Variants in CR1 observed in about 807,000 individuals in gnomAD.
CR1 encodes complement C3b/C4b receptor 1 (Knops blood group).
Under a neutral mutation model 187.3 loss-of-function variants are expected in CR1, and 116 were observed. That is an observed-to-expected ratio of 0.62 (90% CI 0.53 to 0.72). The LOEUF (loss-of-function observed/expected upper bound fraction) is 0.72. CR1 is among the 30% of genes least tolerant of loss of function. The probability of loss-of-function intolerance (pLI) is 0.00; values close to 1 mark genes in which losing one functional copy is unlikely to be tolerated. For synonymous variants in CR1, 576 were observed against 747.1 expected (o/e 0.77, Z 3.73); for missense variants, 1,731 against 2,110.7 (o/e 0.82, Z 3.52).
chr1:207,621,199 C>T (rs966520380), intron 43 of CR1, among the ~76,000 whole-genome samples: 10 of 151,870 alleles, frequency 6.6e-5, no homozygotes, highest in African/African-American at 1.7e-4. Context: ...CGCTTGAACA[C>T]GGGAGGTGGA....
In CR1 at chr1:207,577,867, A is replaced by G. The variant is rs768997678; in HGVS notation, c.4600A>G (p.Asn1534Asp). 2 of 1,613,770 alleles carry G rather than the reference A, an allele frequency of 1.2e-6. No homozygotes were observed. The change falls in exon 29 of 47, where the codon AAT (asparagine) becomes GAT (aspartate). Residue 1534 changes from asparagine to aspartate, a missense_variant. Asn to Asp is a conservative substitution (Grantham distance 23, BLOSUM62 1). Transcript: ENST00000367049. ...NGDFISTNRE[N>D]FHYGSVVTYR... ...AGATTTCATTAGCACCAACAGAGAG[A>G]ATTTTCACTATGGATCAGTGGTGAC...
chr1:207,634,064 G>A (rs1184042621), intron 46 of CR1, among the ~76,000 whole-genome samples: 1 of 152,124 alleles, frequency 6.6e-6, no homozygotes, highest in Non-Finnish European at 1.5e-5. Flanking sequence ...TTCTTTTGTG[G>A]TGGAATGTCA....
intron 1 of CR1, among the ~76,000 whole-genome samples, chr1:207,499,047 G>A (rs185088167): frequency 5.3e-5 from 8 of 152,004 alleles, no homozygotes; most frequent in East Asian, 1.9e-4. Flanking sequence ...GTCAATGATC[G>A]AAATGCACCA....
In CR1 at chr1:207,581,212, A is replaced by T. The variant is rs1660931471; in HGVS notation, c.5216+599A>T. On this transcript the variant is annotated intron_variant, in intron 31 of 46. Coordinates refer to ENST00000367049, the MANE Select transcript of CR1 (RefSeq NM_000651.6). The stretch of plus-strand genomic sequence containing the variant: ...CATGGACACGTATATGTAGACGTAT[A>T]CATATGGACACGTATATGTAGACGT... 2.7e-5 allele frequency among the ~76,000 whole-genome samples: 4 copies of T among 145,648 alleles called. No homozygotes were observed. The South Asian group carries it at 9.0e-4, about 33-fold the overall frequency.
intron 24 of CR1, among the ~76,000 whole-genome samples, chr1:207,566,374 T>A (rs1660496830): frequency 6.7e-6 from 1 of 149,938 alleles, no homozygotes; most frequent in Non-Finnish European, 1.5e-5. Context: ...TATATATATA[T>A]GATAATACAC....
At chr1:207,625,511 C>T (rs1364690986) in intron 45 of CR1, among the ~76,000 whole-genome samples, 1 of 152,248 alleles carries the variant, frequency 6.6e-6, no homozygotes, top group Non-Finnish European at 1.5e-5. Context: ...ATGTGTTCTT[C>T]CTGCCTGTCA....
At chr1:207,580,135 A>T in intron 29 of CR1, 105 bp from the exon 30 acceptor site, 1 of 1,495,546 alleles carries the variant, frequency 6.7e-7, no homozygotes, top group South Asian at 1.3e-5. Flanking sequence ...TGTGCTAGGG[A>T]GAATTGGGTT....
Position 207,609,439 on chromosome 1 carries a change from A to G in CR1, c.6046A>G (p.Ile2016Val). The change falls in exon 37 of 47, where the codon ATA (isoleucine) becomes GTA (valine). Residue 2016 changes from isoleucine (I) to valine (V), a missense_variant. Ile to Val is a conservative substitution (Grantham distance 29). Transcript: ENST00000367049. ...GTTTGAGCTTGTGGGAGAACGGTCA[A>G]TATATTGCACCAGCAAAGATGATCA... ...QLFELVGERSIYCTSKDDQVG... is the reference protein window; with the variant it reads ...QLFELVGERSVYCTSKDDQVG... The G allele has an allele frequency of 1.2e-6, 2 of 1,614,068 alleles. No homozygotes were observed. Among genetic ancestry groups the G allele is most frequent in the South Asian group, 2.2e-5 (2 of 91,088 alleles).
chr1:207,581,101 A>AGTGTGTATATATATGTATACATAC (rs1318596862), intron 31 of CR1, among the ~76,000 whole-genome samples: 1 of 147,504 alleles, frequency 6.8e-6, no homozygotes, highest in East Asian at 1.9e-4. Flanking sequence ...TGAAAAAAAA[A>AGTGTGTATATATATGTATACATAC]GTGTGTATAT....
At chr1:207,517,723 A>C (rs1176706682) in intron 4 of CR1, among the ~76,000 whole-genome samples, 1 of 152,070 alleles carries the variant, frequency 6.6e-6, no homozygotes, top group South Asian at 2.1e-4. Flanking sequence ...AGTTTGGGTA[A>C]GTTATATTTT....
chr1:207,632,276 C>G (rs537872902), intron 46 of CR1, among the ~76,000 whole-genome samples: 1 of 152,152 alleles, frequency 6.6e-6, no homozygotes, highest in African/African-American at 2.4e-5. Context: ...TGGCCTGATC[C>G]TTCTCAAATG....
At chr1:207,639,315 C>A in intron 46 of CR1, 82 bp from the exon 47 acceptor site, 1 of 1,326,980 alleles carries the variant, frequency 7.5e-7, no homozygotes, top group South Asian at 1.3e-5. Flanking sequence ...AGAAAATATC[C>A]AAAGCTTATC....
intron 5 of CR1, among the ~76,000 whole-genome samples, chr1:207,526,542 GT>G (rs1660178590): frequency 6.6e-6 from 1 of 151,416 alleles, no homozygotes; most frequent in South Asian, 2.1e-4. Context: ...AGATACCTCT[GT>G]TTTAGTCACA....
rs548237091 is a variant in CR1, at chr1:207,522,629, C to T, written c.488-982C>T. Among the ~76,000 whole-genome samples the T allele has an allele frequency of 1.4e-3, 219 of 152,284 alleles. No homozygotes were observed. In the Middle Eastern group the frequency reaches 0.017, roughly 12 times the overall value. ...TCACTAGTTTGTTAGCTTTCTGATG[C>T]TTTAACAGATAAATATTTTTAATTC... On this transcript the variant is annotated intron_variant, in intron 4 of 46. Transcript: ENST00000367049.
In CR1 at chr1:207,641,490, T is replaced by A. The variant is rs10863434; in HGVS notation, c.*2081T>A. On this transcript the variant is annotated 3_prime_UTR_variant, in exon 47 of 47. Coordinates refer to ENST00000367049, the MANE Select transcript of CR1 (RefSeq NM_000651.6). The stretch of plus-strand genomic sequence containing the variant: ...TTTTCTATTATATCAGTTATAATGA[T>A]AAATACTGTATATACTAACTATGAG... The A allele has an allele frequency of 6.6e-6, 1 of 151,944 alleles. No individual in the cohort carries two copies. The highest frequency in any genetic ancestry group is 2.4e-5 in the African/African-American group (1 of 41,346). 9.4% of individuals were successfully genotyped at this position (151,944 alleles called of 1,614,324 possible). A position where few individuals can be genotyped will look rare whatever the true frequency, so the allele number is the denominator to read the frequency against.
Position 207,609,275 on chromosome 1 carries a change from T to C in CR1, c.5897-15T>C. The C allele has an allele frequency of 6.4e-7, 1 of 1,568,116 alleles. No homozygotes were observed. Among genetic ancestry groups the C allele is most frequent in the Non-Finnish European group, 8.7e-7 (1 of 1,155,834 alleles). On this transcript the variant is annotated splice_polypyrimidine_tract_variant and intron_variant, in intron 36 of 46. Transcript: ENST00000367049. ...TAAAAAATAAGCTGTTTTACCATAC[T>C]CTTCCTTCTCTCAGTCATATCTTGT...
rs377171662 is a variant in CR1, at chr1:207,523,652, T to G, written c.529T>G (p.Phe177Val). ...ACCCCCCACCATCACCAATGGAGATTTCATTAGCACCAACAGAGAGAATTT... is the reference window on the plus strand; with the variant it reads ...ACCCCCCACCATCACCAATGGAGATGTCATTAGCACCAACAGAGAGAATTT... ...GLPPTITNGD[F>V]ISTNRENFHY... Residue 177 changes from phenylalanine (F) to valine (V), a missense_variant, in exon 5 of 47, where the codon TTC (phenylalanine) becomes GTC (valine). Coordinates refer to ENST00000367049, the MANE Select transcript of CR1 (RefSeq NM_000651.6). The G allele has an allele frequency of 1.8e-4, 295 of 1,613,854 alleles. 1 individual carries two copies. Among genetic ancestry groups the G allele is most frequent in the Non-Finnish European group, 2.4e-4 (278 of 1,179,900 alleles).
chr1:207,503,741 T>A (rs1173242477), intron 1 of CR1, among the ~76,000 whole-genome samples: 1 of 152,204 alleles, frequency 6.6e-6, no homozygotes, highest in Non-Finnish European at 1.5e-5. Flanking sequence ...ATCACAGGCT[T>A]CAGGGATCAG....
intron 35 of CR1, among the ~76,000 whole-genome samples, chr1:207,599,300 C>A (rs1231191075): frequency 4.6e-5 from 7 of 152,108 alleles, no homozygotes; most frequent in Admixed American, 4.6e-4. Context: ...ATTAAAGCAA[C>A]AATATGTCAT....
Sources: allele counts gnomAD v4.1 joint callset (sites outside exome capture counted in the v4.1 genomes callset), GRCh38; gene constraint gnomAD v4.1.1; transcripts MANE v1.5; gene names NCBI Gene and HGNC (gene_info 2026-07-23, HGNC 2026-07-21).